Variants in NKAIN3 observed in about 807,000 individuals in gnomAD.
NKAIN3 encodes sodium/potassium-transporting ATPase subunit beta-1-interacting protein 3.
In NKAIN3, 25 loss-of-function variants were observed where a neutral mutation model predicts 30.2. That is an observed-to-expected ratio of 0.83 (90% CI 0.60 to 1.16). NKAIN3 has a LOEUF of 1.16. NKAIN3 is among the 50% of genes most tolerant of loss of function. The pLI is 0.00. For missense variants in NKAIN3, 225 were observed against 254.1 expected (o/e 0.89, Z 0.78); for synonymous variants, 91 against 89.6 (o/e 1.02, Z -0.09).
intron 3 of NKAIN3, among the ~76,000 whole-genome samples, chr8:62,609,587 AAAG>A (rs1811225510): frequency 1.3e-5 from 2 of 152,160 alleles, no homozygotes; most frequent in Non-Finnish European, 2.9e-5. Flanking sequence ...TATTCTGGGG[AAAG>A]AGACATAATA....
intron 4 of NKAIN3, among the ~76,000 whole-genome samples, chr8:62,807,563 T>TA (rs1818338077): frequency 6.7e-6 from 1 of 149,422 alleles, no homozygotes; most frequent in South Asian, 2.1e-4. Flanking sequence ...CTGGTTTTTT[T>TA]TTTTTTTTGA....
intron 4 of NKAIN3, among the ~76,000 whole-genome samples, chr8:62,875,024 G>T (rs947345571): frequency 6.6e-6 from 1 of 152,100 alleles, no homozygotes; most frequent in Admixed American, 6.6e-5. Flanking sequence ...AGGAAGTCAG[G>T]TTGTCTCTGT....
rs562518582 is a variant in NKAIN3, at chr8:62,348,440, G to A, written c.54+99313G>A. 3.9e-5 allele frequency among the ~76,000 whole-genome samples: 6 copies of A among 152,276 alleles called. No homozygotes were observed. The South Asian group carries it at 1.2e-3, about 32-fold the overall frequency. On this transcript the variant is annotated intron_variant, in intron 1 of 6. Coordinates refer to ENST00000623646, the MANE Select transcript of NKAIN3 (RefSeq NM_001304533.3). Reference sequence around the variant, plus strand: ...AAAGACAGACAAGATGATATACTTTGTTAGAAATCAACCTCCAAAGCATGG... The same window carrying A: ...AAAGACAGACAAGATGATATACTTTATTAGAAATCAACCTCCAAAGCATGG...
intron 1 of NKAIN3, among the ~76,000 whole-genome samples, chr8:62,453,221 C>T (rs1384682693): frequency 1.3e-5 from 2 of 151,952 alleles, no homozygotes. Flanking sequence ...GTACCATATG[C>T]TAAAATTCAA....
intron 4 of NKAIN3, among the ~76,000 whole-genome samples, chr8:62,781,234 A>G (rs1179342269): frequency 6.6e-6 from 1 of 151,950 alleles, no homozygotes; most frequent in African/African-American, 2.4e-5. Context: ...AGGATGTGAA[A>G]TATATCTACA....
chr8:62,977,339 G>A lies in NKAIN3; in HGVS notation c.*11932G>A, dbSNP rs1370748647. On this transcript the variant is annotated 3_prime_UTR_variant, in exon 7 of 7. Coordinates refer to ENST00000623646, the MANE Select transcript of NKAIN3 (RefSeq NM_001304533.3). ...TCACTTTTAGGTACACCAATCAAAC[G>A]TTGGCTTGGTCTTTTCACATAGTCC... Among the ~76,000 whole-genome samples the A allele has an allele frequency of 6.6e-6, 1 of 152,056 alleles. No homozygotes were observed. The highest frequency in any genetic ancestry group is 1.5e-5 in the Non-Finnish European group (1 of 68,028).
chr8:62,673,733 T>C (rs540241466), intron 3 of NKAIN3, among the ~76,000 whole-genome samples: 249 of 152,358 alleles, frequency 1.6e-3, no homozygotes, highest in Non-Finnish European at 2.6e-3. Flanking sequence ...AGTATGTTAC[T>C]GTACTGAATA....
At chr8:62,352,851 A>G (rs552009914) in intron 1 of NKAIN3, among the ~76,000 whole-genome samples, 58 of 152,208 alleles carry the variant, frequency 3.8e-4, no homozygotes, top group Non-Finnish European at 2.9e-5. Context: ...TTTCTTACCT[A>G]GGCAGTGATT....
chr8:62,259,386 A>G (rs1421216044), intron 1 of NKAIN3, among the ~76,000 whole-genome samples: 1 of 152,138 alleles, frequency 6.6e-6, no homozygotes, highest in African/African-American at 2.4e-5. Context: ...ATAAGGTTAT[A>G]TTTGGTATAG....
intron 1 of NKAIN3, among the ~76,000 whole-genome samples, chr8:62,438,154 C>G (rs1805225351): frequency 6.6e-6 from 1 of 152,222 alleles, no homozygotes; most frequent in Admixed American, 6.5e-5. Context: ...CCACACTCCT[C>G]TTCTGGGCTG....
intron 3 of NKAIN3, among the ~76,000 whole-genome samples, chr8:62,676,392 C>A (rs1487690666): frequency 2.6e-5 from 4 of 152,086 alleles, no homozygotes; most frequent in Non-Finnish European, 5.9e-5. Flanking sequence ...CACGGTGAAA[C>A]CCCGTCTCTA....
intron 1 of NKAIN3, among the ~76,000 whole-genome samples, chr8:62,264,927 C>T (rs555969548): frequency 5.9e-5 from 9 of 152,064 alleles, no homozygotes; most frequent in Non-Finnish European, 1.2e-4. Context: ...TGGAGGTCAC[C>T]TAGAGCAATG....
At chr8:62,292,190 A>G (rs1330958314) in intron 1 of NKAIN3, among the ~76,000 whole-genome samples, 1 of 151,972 alleles carries the variant, frequency 6.6e-6, no homozygotes, top group Non-Finnish European at 1.5e-5. Context: ...ACTCTATCCA[A>G]TTTGCCAGTC....
intron 3 of NKAIN3, among the ~76,000 whole-genome samples, chr8:62,609,693 G>C (rs1043018624): frequency 1.4e-4 from 21 of 152,148 alleles, no homozygotes; most frequent in African/African-American, 5.1e-4. Flanking sequence ...AAAGGATAGA[G>C]AGTAACTTCA....
intron 1 of NKAIN3, among the ~76,000 whole-genome samples, chr8:62,533,444 C>T (rs948208780): frequency 3.3e-5 from 5 of 152,118 alleles, no homozygotes; most frequent in Admixed American, 1.3e-4. Context: ...TCGCCTGAAG[C>T]GGGCTTAGCC....
intron 1 of NKAIN3, among the ~76,000 whole-genome samples, chr8:62,560,429 C>G (rs918158665): frequency 1.3e-5 from 2 of 149,708 alleles, no homozygotes; most frequent in African/African-American, 4.9e-5. Context: ...TACCACAGGA[C>G]TTTCAGTCTT....
chr8:62,262,612 C>T (rs1812476729), intron 1 of NKAIN3, among the ~76,000 whole-genome samples: 1 of 152,042 alleles, frequency 6.6e-6, no homozygotes, highest in Non-Finnish European at 1.5e-5. Context: ...TTAGATGAAG[C>T]CACTGAACCA....
intron 1 of NKAIN3, among the ~76,000 whole-genome samples, chr8:62,330,085 G>A (rs986280799): frequency 3.3e-5 from 5 of 152,026 alleles, no homozygotes; most frequent in Admixed American, 1.3e-4. Context: ...GAATGAGGAC[G>A]AGGAAGTAGC....
chr8:62,591,053 A>G (rs1810635697), intron 3 of NKAIN3, among the ~76,000 whole-genome samples: 1 of 151,956 alleles, frequency 6.6e-6, no homozygotes, highest in Non-Finnish European at 1.5e-5. Context: ...TCAAATGCAA[A>G]TCTTATGAAT....
Sources: allele counts gnomAD v4.1 joint callset (sites outside exome capture counted in the v4.1 genomes callset), GRCh38; gene constraint gnomAD v4.1.1; transcripts MANE v1.5; gene names NCBI Gene and HGNC (gene_info 2026-07-23, HGNC 2026-07-21).